Variants in GFRA2 observed in about 807,000 individuals in gnomAD.
GFRA2 encodes the protein GDNF family receptor alpha 2, also known as GDNF family receptor alpha-2.
GFRA2 carries 17 observed loss-of-function variants against 48.3 expected under a neutral mutation model. That is an observed-to-expected ratio of 0.35 (90% CI 0.24 to 0.53). The LOEUF is 0.53. GFRA2 is among the 20% of genes least tolerant of loss of function. GFRA2 has a pLI of 0.93. For synonymous variants in GFRA2, 305 were observed against 257.2 expected, an observed-to-expected ratio of 1.19 and a Z score of -1.78; for missense variants, 660 against 637.3, an observed-to-expected ratio of 1.04 and a Z score of -0.38.
intron 1 of GFRA2, among the ~76,000 whole-genome samples, chr8:21,810,249 C>A (rs992350593): frequency 4.6e-5 from 7 of 152,220 alleles, no homozygotes; most frequent in Non-Finnish European, 1.0e-4. Context: ...CAGATACCAT[C>A]CACAACAGTG....
At chr8:21,773,431 G>A (rs972170755) in intron 3 of GFRA2, among the ~76,000 whole-genome samples, 10 of 152,204 alleles carry the variant, frequency 6.6e-5, no homozygotes, top group African/African-American at 1.9e-4. Context: ...CCCTTCCTGG[G>A]CATCCAAGAT....
intron 7 of GFRA2, 82 bp from the exon 8 acceptor site, chr8:21,694,599 C>T (rs1268379991): frequency 1.3e-5 from 17 of 1,293,256 alleles, no homozygotes; most frequent in East Asian, 2.5e-5. Context: ...GATGAGGCCC[C>T]GCCATGCACT....
intron 3 of GFRA2, among the ~76,000 whole-genome samples, chr8:21,774,010 C>T (rs1344505854): frequency 6.6e-6 from 1 of 152,154 alleles, no homozygotes; most frequent in African/African-American, 2.4e-5. Flanking sequence ...GCTTTAGAGC[C>T]ACAGAAACTC....
chr8:21,757,534 C>T (rs893165202), intron 3 of GFRA2, among the ~76,000 whole-genome samples: 35 of 133,130 alleles, frequency 2.6e-4, no homozygotes, highest in East Asian at 4.0e-4. Context: ...TTCACTCTGT[C>T]GCACGTTGTA....
intron 2 of GFRA2, among the ~76,000 whole-genome samples, chr8:21,801,996 C>T (rs1322465328): frequency 6.6e-6 from 1 of 152,244 alleles, no homozygotes; most frequent in Non-Finnish European, 1.5e-5. Context: ...CCCGTCCGCT[C>T]CTCAGCACGC....
In GFRA2 at chr8:21,750,821, G is replaced by A. The variant is rs375577535; in HGVS notation, c.561C>T (p.Arg187=). Residue 187 remains arginine, a synonymous_variant, in exon 4 of 9, where the codon CGC becomes CGT. Transcript: ENST00000524240. This position sits in a 1 kb window ranked among gnomAD's most constrained non-coding sequence, Gnocchi z 5.7. ...LRSSYISICN[R]EISPTERCNR... The stretch of plus-strand genomic sequence containing the variant: ...TGCAGCGCTCGGTGGGCGAGATCTC[G>A]CGGTTGCAGATGGAGATGTAGGAGG... The A allele has an allele frequency of 1.7e-4, 281 of 1,613,764 alleles. No individual in the cohort carries two copies. Among genetic ancestry groups the A allele is most frequent in the Non-Finnish European group, 2.2e-4 (255 of 1,179,844 alleles).
Position 21,782,728 on chromosome 8 carries a change from G to T in GFRA2, c.212C>A (p.Thr71Asn). Residue 71 changes from threonine to asparagine, a missense_variant, in exon 2 of 9, where the codon ACC (threonine) becomes AAC (asparagine). Physicochemically the swap from Thr to Asn is moderately conservative, Grantham distance 65. Coordinates refer to ENST00000524240, the MANE Select transcript of GFRA2 (RefSeq NM_001495.5). The part of the protein sequence containing the change: ...RQCLAGRDRN[T>N]MLANKECQAA... ...CTGGCACTCCTTGTTGGCCAGCATG[G>T]TGTTGCGGTCGCGGCCTGCCAGGCA... 1 of 1,598,048 alleles carries T rather than the reference G, an allele frequency of 6.3e-7. No individual in the cohort carries two copies. The highest frequency in any genetic ancestry group is 2.3e-5 in the East Asian group (1 of 44,004).
At chr8:21,752,207 C>A (rs932466890) in intron 3 of GFRA2, among the ~76,000 whole-genome samples, 6 of 152,154 alleles carry the variant, frequency 3.9e-5, no homozygotes, top group East Asian at 1.9e-4. Flanking sequence ...TGACCACACA[C>A]CCCTCTTAAG....
chr8:21,747,438 C>T (rs566311680), intron 4 of GFRA2, among the ~76,000 whole-genome samples: 6 of 152,264 alleles, frequency 3.9e-5, no homozygotes, highest in South Asian at 4.2e-4. Context: ...TCGCCTCAAT[C>T]GGTTTGTGTA....
chr8:21,706,115 C>T (rs767024460), intron 4 of GFRA2, 74 bp from the exon 5 acceptor site: 1 of 939,942 alleles, frequency 1.1e-6, no homozygotes, highest in Non-Finnish European at 1.7e-6. Context: ...TCTGTCCTGC[C>T]AGTGGCATCT....
chr8:21,717,397 C>T (rs1803385922), intron 4 of GFRA2, among the ~76,000 whole-genome samples: 1 of 152,094 alleles, frequency 6.6e-6, no homozygotes, highest in Non-Finnish European at 1.5e-5. Context: ...AAGCAGGAGA[C>T]AATAGAGTTT....
intron 6 of GFRA2, among the ~76,000 whole-genome samples, chr8:21,704,304 C>G (rs1486473685): frequency 6.6e-6 from 1 of 152,290 alleles, no homozygotes; most frequent in East Asian, 1.9e-4. Context: ...ATCCTGGGCT[C>G]CTCAAGAACC....
At chr8:21,721,566 G>A (rs1467022613) in intron 4 of GFRA2, among the ~76,000 whole-genome samples, 1 of 152,234 alleles carries the variant, frequency 6.6e-6, no homozygotes, top group African/African-American at 2.4e-5. Flanking sequence ...CTAAGTGGCT[G>A]TGATACCCAC....
chr8:21,787,138 T>C (rs1807312988), intron 1 of GFRA2, among the ~76,000 whole-genome samples: 1 of 151,966 alleles, frequency 6.6e-6, no homozygotes, highest in Admixed American at 6.6e-5. Flanking sequence ...GAGATTGCCA[T>C]TTCCCAAGCA....
chr8:21,744,770 G>A lies in GFRA2; in HGVS notation c.794+5818C>T, dbSNP rs115847348. On this transcript the variant is annotated intron_variant, in intron 4 of 8. Transcript: ENST00000524240. ...TTATCAGAAGGCTTTTAAAGGAAACGTCTCTCCTGACCTATCCCTAGATGC... is the reference window on the plus strand; with the variant it reads ...TTATCAGAAGGCTTTTAAAGGAAACATCTCTCCTGACCTATCCCTAGATGC... Among the ~76,000 whole-genome samples, 1,265 of 152,182 alleles carry A rather than the reference G, an allele frequency of 8.3e-3. 17 individuals carry two copies. The highest frequency in any genetic ancestry group is 0.029 in the African/African-American group (1,188 of 41,498).
At position 21,693,086 on chromosome 8, in the gene GFRA2, G is replaced by A; in HGVS notation, c.*192C>T. 1 of 448,360 alleles carries A rather than the reference G, an allele frequency of 2.2e-6. No individual in the cohort carries two copies. The highest frequency in any genetic ancestry group is 3.8e-6 in the Non-Finnish European group (1 of 262,502). The allele number at this position is 448,360 out of a possible 1,614,324, so 27.8% of individuals were successfully genotyped here. Reference sequence around the variant, plus strand: ...CCCTGGGCCAGCTCTCAGGCTGCCTGCCTGCTTGTCTGTTTGGTTTACAAA... The same window carrying A: ...CCCTGGGCCAGCTCTCAGGCTGCCTACCTGCTTGTCTGTTTGGTTTACAAA... On this transcript the variant is annotated 3_prime_UTR_variant, in exon 9 of 9. Transcript: ENST00000524240.
At chr8:21,730,545 CAGA>C (rs1176489419) in intron 4 of GFRA2, among the ~76,000 whole-genome samples, 1 of 152,184 alleles carries the variant, frequency 6.6e-6, no homozygotes, top group Non-Finnish European at 1.5e-5. Context: ...CATGGCAATG[CAGA>C]AGGAGAGACC....
intron 4 of GFRA2, among the ~76,000 whole-genome samples, chr8:21,732,218 G>A (rs1454022976): frequency 6.6e-6 from 1 of 152,224 alleles, no homozygotes; most frequent in African/African-American, 2.4e-5. Context: ...GCCTTCTTGT[G>A]TCCCTTCCAG....
In GFRA2 at chr8:21,770,078, CAT is replaced by C. The variant is rs1221529355; in HGVS notation, c.439+4892_439+4893del. On this transcript the variant is annotated intron_variant, in intron 3 of 8. Coordinates refer to ENST00000524240, the MANE Select transcript of GFRA2 (RefSeq NM_001495.5). ...TATCTGTCCCTGTCACAGCATAGTA[CAT>C]GATGGCCGTCCCCACCCAAGACTCC... Among the ~76,000 whole-genome samples the C allele has an allele frequency of 6.6e-5, 10 of 152,332 alleles. No individual in the cohort carries two copies. In the East Asian group the frequency reaches 1.9e-3, roughly 29 times the overall value.
Sources: allele counts gnomAD v4.1 joint callset (sites outside exome capture counted in the v4.1 genomes callset), GRCh38; gene constraint gnomAD v4.1.1; non-coding constraint Gnocchi (gnomAD v3.1); transcripts MANE v1.5; gene names NCBI Gene and HGNC (gene_info 2026-07-23, HGNC 2026-07-21).